ANKFN1: variants seen among roughly 807,000 people sequenced by gnomAD.
The protein encoded by ANKFN1 is ankyrin repeat and fibronectin type III domain containing 1.
A neutral mutation model predicts 108.7 loss-of-function variants in ANKFN1; 74 were observed. The observed-to-expected ratio is 0.68, with a 90% CI of 0.56 to 0.83. The LOEUF is 0.83. ANKFN1 is among the 40% of genes least tolerant of loss of function. ANKFN1 has a pLI of 0.00. For synonymous variants in ANKFN1, 547 were observed against 516.2 expected (o/e 1.06, Z -0.81); for missense variants, 1,505 against 1,382.3 (o/e 1.09, Z -1.41).
At chr17:56,333,225 T>C (rs767923281) in intron 4 of ANKFN1, among the ~76,000 whole-genome samples, 6 of 152,078 alleles carry the variant, frequency 3.9e-5, no homozygotes, top group African/African-American at 9.7e-5. Flanking sequence ...GGAGTAGACA[T>C]TTTTGCCTTG....
intron 4 of ANKFN1, among the ~76,000 whole-genome samples, chr17:56,087,463 C>A (rs1235981919): frequency 1.3e-5 from 2 of 151,398 alleles, no homozygotes; most frequent in Non-Finnish European, 1.5e-5. Flanking sequence ...TCTCTAAAAT[C>A]CCCTGCCTTC....
chr17:56,307,298 G>C (rs1421430746), intron 3 of ANKFN1, among the ~76,000 whole-genome samples: 3 of 152,256 alleles, frequency 2.0e-5, no homozygotes, highest in Non-Finnish European at 4.4e-5. Context: ...GCAACCTACA[G>C]AATGGGAGAA....
At chr17:56,486,013 A>G (rs1264584025) in intron 18 of ANKFN1, among the ~76,000 whole-genome samples, 2 of 152,252 alleles carry the variant, frequency 1.3e-5, no homozygotes, top group Non-Finnish European at 2.9e-5. Context: ...ATACAAAACT[A>G]GAGATGTGGT....
chr17:56,423,139 A>G (rs917112480), intron 8 of ANKFN1, among the ~76,000 whole-genome samples: 2 of 152,222 alleles, frequency 1.3e-5, no homozygotes, highest in African/African-American at 4.8e-5. Context: ...CAATCCTTCA[A>G]GGGAAATCTA....
At chr17:56,119,343 G>C (rs1330946678) in intron 4 of ANKFN1, among the ~76,000 whole-genome samples, 5 of 152,130 alleles carry the variant, frequency 3.3e-5, no homozygotes, top group Non-Finnish European at 7.4e-5. Flanking sequence ...TCCTGGAAAA[G>C]AGCCATCAAC....
rs981815933 is a variant in ANKFN1, at chr17:56,057,441, G to C, written c.288+11116G>C. On this transcript the variant is annotated intron_variant, in intron 4 of 12. Coordinates refer to the ANKFN1 transcript ENST00000635860. ...ATTTCTTAAATACTAAGACTTGAAG[G>C]CTGGGCACAGTATATACAGCAGCGA... Among the ~76,000 whole-genome samples, 3 of 152,110 alleles carry C rather than the reference G, an allele frequency of 2.0e-5. 1 individual carries two copies. Among genetic ancestry groups the C allele is most frequent in the South Asian group, 4.1e-4 (2 of 4,826 alleles).
At chr17:56,306,863 C>T (rs1195531227) in intron 3 of ANKFN1, among the ~76,000 whole-genome samples, 1 of 152,184 alleles carries the variant, frequency 6.6e-6, no homozygotes, top group Non-Finnish European at 1.5e-5. Context: ...CAGCATGGTA[C>T]TGGTACCAAA....
At chr17:56,403,583 G>A (rs2047827893) in intron 8 of ANKFN1, among the ~76,000 whole-genome samples, 1 of 152,104 alleles carries the variant, frequency 6.6e-6, no homozygotes, top group African/African-American at 2.4e-5. Context: ...GCAAATGGTT[G>A]GTGAGTTCTT....
chr17:56,062,912 G>A (rs993628951), intron 4 of ANKFN1, among the ~76,000 whole-genome samples: 1 of 152,246 alleles, frequency 6.6e-6, no homozygotes, highest in Non-Finnish European at 1.5e-5. Context: ...CTCTTGCAAG[G>A]CAGGCCTGGT....
chr17:56,443,068 C>A, intron 10 of ANKFN1, 135 bp downstream of exon 10: 1 of 722,936 alleles, frequency 1.4e-6, no homozygotes, highest in Non-Finnish European at 2.3e-6. Flanking sequence ...ATCTGGGCCA[C>A]ATAATGAATG....
At chr17:56,184,444 A>G (rs1482562286) in intron 1 of ANKFN1, among the ~76,000 whole-genome samples, 2 of 152,184 alleles carry the variant, frequency 1.3e-5, no homozygotes, top group Non-Finnish European at 2.9e-5. Context: ...CAATTAATAG[A>G]CCACAGTATA....
chr17:56,434,332 C>G (rs1383184162), intron 8 of ANKFN1, among the ~76,000 whole-genome samples: 1 of 146,660 alleles, frequency 6.8e-6, no homozygotes, highest in African/African-American at 2.6e-5. Context: ...TCCAACTTTG[C>G]TTTAATCTTC....
At chr17:56,202,115 C>G (rs1255004056) in intron 1 of ANKFN1, among the ~76,000 whole-genome samples, 3 of 152,292 alleles carry the variant, frequency 2.0e-5, no homozygotes, top group African/African-American at 7.2e-5. Context: ...GGCAAAGTAG[C>G]CTGGGAAGCG....
intron 8 of ANKFN1, among the ~76,000 whole-genome samples, chr17:56,435,491 C>A (rs1567999483): frequency 6.6e-6 from 1 of 152,142 alleles, no homozygotes; most frequent in African/African-American, 2.4e-5. Flanking sequence ...TGAACCAGGA[C>A]TGTTTGAATA....
In ANKFN1 at chr17:56,467,783, G is replaced by GAAAGAGAA. The variant is rs2050144897; in HGVS notation, c.1773+1217_1773+1218insGAAAAAGA. 7.0e-4 allele frequency among the ~76,000 whole-genome samples: 16 copies of GAAAGAGAA among 22,924 alleles called. 1 individual carries two copies. The highest frequency in any genetic ancestry group is 1.1e-3 in the African/African-American group (14 of 12,226). The allele number at this position is 22,924 out of a possible 152,430, so 15.0% of individuals were successfully genotyped here. On this transcript the variant is annotated intron_variant, in intron 15 of 20. Transcript: ENST00000682825. ...AGAAAGAAAGAAAGAAAGAAAGAAA[G>GAAAGAGAA]AAAGAAAGAAGAAAGAAAGAAAGAA...
At chr17:56,208,992 C>T (rs1183924572) in intron 1 of ANKFN1, among the ~76,000 whole-genome samples, 1 of 152,140 alleles carries the variant, frequency 6.6e-6, no homozygotes, top group Non-Finnish European at 1.5e-5. Flanking sequence ...ATTCTCCTGC[C>T]TAGGCCTCCC....
intron 4 of ANKFN1, among the ~76,000 whole-genome samples, chr17:56,102,858 C>G (rs1455451308): frequency 6.6e-6 from 1 of 152,232 alleles, no homozygotes; most frequent in Non-Finnish European, 1.5e-5. Context: ...GGATTAAAGG[C>G]ATGAGCCACT....
intron 8 of ANKFN1, among the ~76,000 whole-genome samples, chr17:56,391,245 A>ATATATATATG (rs1567967057): frequency 3.3e-5 from 1 of 30,386 alleles, no homozygotes; most frequent in African/African-American, 4.9e-5. Flanking sequence ...ATATATATAT[A>ATATATATATG]TATGTATGTG....
intron 1 of ANKFN1, among the ~76,000 whole-genome samples, chr17:56,170,753 A>G (rs1464892244): frequency 7.3e-6 from 1 of 136,866 alleles, no homozygotes; most frequent in Middle Eastern, 3.8e-3. Context: ...ACAGGGTGAG[A>G]CTCTGTCAAG....
Sources: gnomAD v4.1 joint callset for allele counts (sites outside exome capture counted in the v4.1 genomes callset) on GRCh38, gnomAD v4.1.1 for gene constraint, MANE v1.5 for transcripts, NCBI Gene and HGNC (gene_info 2026-07-23, HGNC 2026-07-21) for gene names.